The following DNAJC1 variants were observed in gnomAD, a reference collection of about 807,000 sequenced individuals.
DNAJC1 encodes dnaJ homolog subfamily C member 1.
DNAJC1 carries 58 observed loss-of-function variants against 76.6 expected under a neutral mutation model. That is an observed-to-expected ratio of 0.76 (90% CI 0.61 to 0.94). The LOEUF (loss-of-function observed/expected upper bound fraction) is 0.94, where lower values mean the gene tolerates loss of function less well. Ranked by LOEUF, DNAJC1 falls within the 40% of genes least tolerant of loss-of-function variation. The probability of loss-of-function intolerance (pLI) is 0.00; values close to 1 mark genes in which losing one functional copy is unlikely to be tolerated. For missense variants in DNAJC1, 689 were observed against 677.3 expected, an observed-to-expected ratio of 1.02 and a Z score of -0.19; for synonymous variants, 258 against 267.9, an observed-to-expected ratio of 0.96 and a Z score of 0.36.
At chr10:21,857,873 A>G (rs569819403) in intron 8 of DNAJC1, among the ~76,000 whole-genome samples, 1 of 151,154 alleles carries the variant, frequency 6.6e-6, no homozygotes, top group African/African-American at 2.5e-5. Flanking sequence ...AAACAAACAA[A>G]CAAAAAAAAA....
chr10:21,841,134 TAAAACCATA>T (rs1835568370), intron 8 of DNAJC1, among the ~76,000 whole-genome samples: 1 of 152,156 alleles, frequency 6.6e-6, no homozygotes, highest in Admixed American at 6.5e-5. Flanking sequence ...ATGTTAGACC[TAAAACCATA>T]AAAACCCTAG....
chr10:21,957,837 T>C (rs1223577804), intron 1 of DNAJC1, among the ~76,000 whole-genome samples: 1 of 152,230 alleles, frequency 6.6e-6, no homozygotes, highest in Non-Finnish European at 1.5e-5. Context: ...CTTACTTTCA[T>C]ATATGTGTAC....
intron 2 of DNAJC1, 127 bp downstream of exon 2, chr10:21,928,913 T>C: frequency 1.7e-6 from 1 of 598,134 alleles, no homozygotes; most frequent in Non-Finnish European, 2.7e-6. Context: ...AAAAAAAATA[T>C]ACACTATATT....
intron 1 of DNAJC1, among the ~76,000 whole-genome samples, chr10:21,942,072 G>A (rs1837422671): frequency 6.6e-6 from 1 of 151,976 alleles, no homozygotes; most frequent in East Asian, 1.9e-4. Context: ...TACATATACT[G>A]AGCTCCCTTA....
intron 10 of DNAJC1, 140 bp downstream of exon 10, chr10:21,766,121 C>T (rs181765029): frequency 2.9e-6 from 2 of 698,612 alleles, no homozygotes; most frequent in East Asian, 2.5e-5. Flanking sequence ...CGTATTTCAA[C>T]CCTTTTTGGA....
At chr10:21,802,231 C>A (rs183967171) in intron 9 of DNAJC1, among the ~76,000 whole-genome samples, 1 of 152,130 alleles carries the variant, frequency 6.6e-6, no homozygotes, top group Non-Finnish European at 1.5e-5. Context: ...GAAACTGGTA[C>A]AGCGGCAGTG....
Position 21,759,435 on chromosome 10 carries a change from C to A in DNAJC1, c.1331G>T (p.Arg444Met), listed in dbSNP as rs980088514. ...ETGATDARPR[R>M]RKPARLLEAT... The stretch of plus-strand genomic sequence containing the variant: ...CTCCAGCAGCCTGGCTGGCTTCCGC[C>A]TCCGAGGCCGGGCATCAGTGGCCCC... The change falls in exon 11 of 12, where the codon AGG becomes ATG. Residue 444 changes from arginine (R) to methionine (M), a missense_variant. Transcript: ENST00000376980. The A allele has an allele frequency of 1.2e-6, 2 of 1,614,174 alleles. No individual in the cohort carries two copies. The highest frequency in any genetic ancestry group is 3.3e-5 in the Admixed American group (2 of 60,032).
intron 6 of DNAJC1, among the ~76,000 whole-genome samples, chr10:21,913,707 C>T (rs1022814038): frequency 1.3e-5 from 2 of 152,134 alleles, no homozygotes; most frequent in Non-Finnish European, 2.9e-5. Context: ...TGGTTTTTGT[C>T]AGATTCCAAG....
chr10:21,957,864 C>T (rs1341825796), intron 1 of DNAJC1, among the ~76,000 whole-genome samples: 1 of 152,094 alleles, frequency 6.6e-6, no homozygotes, highest in East Asian at 1.9e-4. Context: ...AAATGTTCCA[C>T]TTTCTTTAAG....
intron 8 of DNAJC1, among the ~76,000 whole-genome samples, chr10:21,876,499 A>T (rs1414974581): frequency 1.3e-5 from 2 of 152,226 alleles, no homozygotes; most frequent in African/African-American, 4.8e-5. Flanking sequence ...TCCACAACTG[A>T]TCCATATATA....
intron 9 of DNAJC1, among the ~76,000 whole-genome samples, chr10:21,784,660 T>C (rs368727865): frequency 3.9e-5 from 6 of 152,128 alleles, no homozygotes; most frequent in Non-Finnish European, 5.9e-5. Flanking sequence ...CAAATGTCCA[T>C]CAATGATAGA....
intron 1 of DNAJC1, among the ~76,000 whole-genome samples, chr10:22,002,770 T>C (rs1403852403): frequency 1.3e-5 from 2 of 151,836 alleles, no homozygotes; most frequent in Non-Finnish European, 2.9e-5. Context: ...ATGAGGTAAG[T>C]ATCGGTGGAA....
chr10:21,872,546 A>T, intron 8 of DNAJC1, among the ~76,000 whole-genome samples: 1 of 152,188 alleles, frequency 6.6e-6, no homozygotes, highest in Admixed American at 6.5e-5. Context: ...AATTCTCTAG[A>T]GGGGCTCAAC....
intron 1 of DNAJC1, among the ~76,000 whole-genome samples, chr10:21,972,248 T>C (rs548943386): frequency 6.6e-6 from 1 of 152,120 alleles, no homozygotes; most frequent in South Asian, 2.1e-4. Flanking sequence ...TCAATTTCCA[T>C]ACTTATTTTA....
At chr10:21,812,980 G>A (rs936430504) in intron 8 of DNAJC1, among the ~76,000 whole-genome samples, 1 of 149,890 alleles carries the variant, frequency 6.7e-6, no homozygotes, top group East Asian at 2.0e-4. Flanking sequence ...GGAAGGGATA[G>A]GGTGTGTTTT....
chr10:21,830,815 T>G (rs1835345691), intron 8 of DNAJC1, among the ~76,000 whole-genome samples: 1 of 152,204 alleles, frequency 6.6e-6, no homozygotes, highest in Non-Finnish European at 1.5e-5. Context: ...GAATTCTCAT[T>G]TTAGAAGTTC....
intron 8 of DNAJC1, among the ~76,000 whole-genome samples, chr10:21,846,801 A>C (rs1387166344): frequency 6.6e-6 from 1 of 152,104 alleles, no homozygotes; most frequent in Non-Finnish European, 1.5e-5. Flanking sequence ...AACACAAAAT[A>C]ATGAAACTGG....
At chr10:21,978,644 A>C (rs1838103135) in intron 1 of DNAJC1, among the ~76,000 whole-genome samples, 1 of 152,268 alleles carries the variant, frequency 6.6e-6, no homozygotes, top group African/African-American at 2.4e-5. Context: ...AAAACCTGGC[A>C]GTGCTAGTGA....
chr10:21,876,504 T>C (rs1475360458), intron 8 of DNAJC1, among the ~76,000 whole-genome samples: 2 of 152,232 alleles, frequency 1.3e-5, no homozygotes, highest in African/African-American at 4.8e-5. Context: ...AACTGATCCA[T>C]ATATAATTGT....
Sources: allele counts gnomAD v4.1 joint callset (sites outside exome capture counted in the v4.1 genomes callset), GRCh38; gene constraint gnomAD v4.1.1; transcripts MANE v1.5; gene names NCBI Gene and HGNC (gene_info 2026-07-23, HGNC 2026-07-21).